The following ADD1 variants were observed in gnomAD, a reference collection of about 807,000 sequenced individuals.
ADD1 encodes alpha-adducin.
A neutral mutation model predicts 80.5 loss-of-function variants in ADD1; 24 were observed. That is an observed-to-expected ratio of 0.30 (90% CI 0.22 to 0.42). The LOEUF (loss-of-function observed/expected upper bound fraction) is 0.42. Ranked by LOEUF, ADD1 falls within the 10% of genes least tolerant of loss-of-function variation. ADD1 has a pLI of 1.00. For synonymous variants in ADD1, 373 were observed against 393.8 expected, an observed-to-expected ratio of 0.95 and a Z score of 0.63; for missense variants, 948 against 1,019.0, an observed-to-expected ratio of 0.93 and a Z score of 0.95.
In ADD1 at chr4:2,926,382, C is replaced by T. The variant is rs1302403068; in HGVS notation, c.2047+270C>T. 1.3e-5 allele frequency: 9 copies of T among 702,026 alleles called. No homozygotes were observed. The highest frequency in any genetic ancestry group is 8.0e-5 in the Admixed American group (4 of 49,796). The allele number at this position is 702,026 out of a possible 1,614,324, so 43.5% of individuals were successfully genotyped here. ...GCTGGTGTCCACGTTGCCCATTGCT[C>T]GCACACTCCTCGTGCCGTGTTGTCA... On this transcript the variant is annotated intron_variant, in intron 15 of 15. Coordinates refer to ENST00000683351, the MANE Select transcript of ADD1 (RefSeq NM_001354761.2). This position sits in a 1 kb window ranked among gnomAD's most constrained non-coding sequence, Gnocchi z 5.0.
At chr4:2,876,832 C>T (rs922275616) in intron 2 of ADD1, among the ~76,000 whole-genome samples, 1 of 144,668 alleles carries the variant, frequency 6.9e-6, no homozygotes, top group Non-Finnish European at 1.5e-5. Context: ...TAGAGAGACT[C>T]CGTCCCAAAA....
intron 9 of ADD1, 38 bp from the exon 10 acceptor site, chr4:2,904,726 T>G (rs2239728): frequency 0.2 from 318,847 of 1,562,336 alleles, 35,481 homozygotes; most frequent in East Asian, 0.51. Flanking sequence ...TTTTGAGATC[T>G]GGAATATTGA....
chr4:2,864,657 T>C (rs939171515), intron 1 of ADD1, among the ~76,000 whole-genome samples: 1 of 152,132 alleles, frequency 6.6e-6, no homozygotes, highest in Non-Finnish European at 1.5e-5. Flanking sequence ...ATGCTTATAA[T>C]CACTCTTAGG....
At chr4:2,894,999 G>T (rs1734959031) in intron 6 of ADD1, among the ~76,000 whole-genome samples, 1 of 152,126 alleles carries the variant, frequency 6.6e-6, no homozygotes, top group Non-Finnish European at 1.5e-5. Flanking sequence ...GGTGGCTCAT[G>T]CCTGTAATCA....
chr4:2,918,830 ATGGTTTTTTTGTTATT>A (rs1445137635), intron 14 of ADD1, among the ~76,000 whole-genome samples: 4 of 150,534 alleles, frequency 2.7e-5, no homozygotes, highest in East Asian at 1.9e-4. Context: ...TGATTTGCAT[ATGGTTTTTTTGTTATT>A]TGGTTTTTTT....
intron 14 of ADD1, among the ~76,000 whole-genome samples, chr4:2,919,192 G>A (rs1031919970): frequency 3.9e-5 from 6 of 152,158 alleles, no homozygotes; most frequent in Admixed American, 6.5e-5. Flanking sequence ...CAACTTGATC[G>A]TGGTGGATAA....
intron 15 of ADD1, among the ~76,000 whole-genome samples, chr4:2,927,241 C>T (rs1219086488): frequency 9.2e-5 from 14 of 152,332 alleles, no homozygotes; most frequent in African/African-American, 2.4e-4. Flanking sequence ...TCAGGGGGAG[C>T]GGCGCCTGTG....
At chr4:2,879,266 G>A (rs941969025) in intron 2 of ADD1, among the ~76,000 whole-genome samples, 7 of 152,174 alleles carry the variant, frequency 4.6e-5, no homozygotes, top group Non-Finnish European at 7.3e-5. Flanking sequence ...TCTGTGCCAC[G>A]TGTCCTTTCT....
At chr4:2,902,775 C>A (rs889798630) in intron 9 of ADD1, 2 of 151,946 alleles carry the variant, frequency 1.3e-5, no homozygotes, top group African/African-American at 4.8e-5. Flanking sequence ...ATCTATAATC[C>A]CAGCACTTTG....
In ADD1 at chr4:2,882,040, G is replaced by A. The variant is rs1359559390; in HGVS notation, c.338G>A (p.Gly113Glu). The A allele has an allele frequency of 6.2e-7, 1 of 1,606,932 alleles. No homozygotes were observed. The highest frequency in any genetic ancestry group is 8.5e-7 in the Non-Finnish European group (1 of 1,178,148). ...GTCTACCCAGCAGCTCCGCAAGGAG[G>A]GATGGCTGCCTTAAACATGAGTGAG... ...PNVYPAAPQGGMAALNMSLGM... is the reference protein window; with the variant it reads ...PNVYPAAPQGEMAALNMSLGM... The change falls in exon 3 of 16, where the codon GGG becomes GAG. Residue 113 changes from glycine (G) to glutamate (E), a missense_variant. Physicochemically the swap from Gly to Glu is moderately conservative, Grantham distance 98 (BLOSUM62 -2). Transcript: ENST00000683351.
At chr4:2,873,075 C>T (rs1198033271) in intron 1 of ADD1, among the ~76,000 whole-genome samples, 1 of 151,990 alleles carries the variant, frequency 6.6e-6, no homozygotes, top group Admixed American at 6.6e-5. Flanking sequence ...TCACTGCAAA[C>T]TTTGCCTCCC....
intron 8 of ADD1, 48 bp from the exon 9 acceptor site, chr4:2,899,211 T>TTAC: frequency 6.4e-7 from 1 of 1,553,018 alleles, no homozygotes; most frequent in African/African-American, 1.4e-5. Context: ...TCTGACCCTC[T>TTAC]TGATCTCAGT....
intron 1 of ADD1, chr4:2,844,502 T>G (rs546699491): frequency 6.6e-6 from 1 of 152,368 alleles, no homozygotes; most frequent in African/African-American, 2.4e-5. Flanking sequence ...CGACGGACGC[T>G]CGAGAGATAA....
At chr4:2,909,923 A>G (rs1737735634) in intron 13 of ADD1, among the ~76,000 whole-genome samples, 2 of 150,606 alleles carry the variant, frequency 1.3e-5, no homozygotes, top group African/African-American at 4.9e-5. Flanking sequence ...ATGGGAATTC[A>G]GACAGTCTTT....
chr4:2,851,328 C>G (rs1358491883), intron 1 of ADD1, among the ~76,000 whole-genome samples: 1 of 152,182 alleles, frequency 6.6e-6, no homozygotes, highest in Non-Finnish European at 1.5e-5. Context: ...ACAGTCATAT[C>G]TAACTGGAGG....
chr4:2,894,730 C>T lies in ADD1; in HGVS notation c.740C>T (p.Ala247Val), dbSNP rs755201784. Reference protein sequence around the residue: ...VVHIHTPAGAAVSAMKCGLLP... With the variant: ...VVHIHTPAGAVVSAMKCGLLP... The stretch of plus-strand genomic sequence containing the variant: ...CACATTCACACCCCAGCAGGGGCTG[C>T]GGTGAGTGGCTGCCCTGGTAGCATC... The change falls in exon 6 of 16, where the codon GCG (alanine) becomes GTG (valine). Residue 247 changes from alanine to valine, a missense_variant and splice_region_variant. Transcript: ENST00000683351. The T allele has an allele frequency of 3.8e-6, 6 of 1,595,214 alleles. No individual in the cohort carries two copies. The highest frequency in any genetic ancestry group is 3.4e-5 in the South Asian group (3 of 87,444).
At chr4:2,910,288 G>T (rs1229713437) in intron 13 of ADD1, among the ~76,000 whole-genome samples, 9 of 151,920 alleles carry the variant, frequency 5.9e-5, no homozygotes, top group Admixed American at 5.9e-4. Context: ...TCATTGAGAT[G>T]CATGTGTCAC....
chr4:2,924,536 CTTG>C (rs1354394870), intron 14 of ADD1, among the ~76,000 whole-genome samples: 3 of 152,204 alleles, frequency 2.0e-5, no homozygotes, highest in Non-Finnish European at 2.9e-5. Context: ...CTGGAGCCAC[CTTG>C]TTGTGTGGGA....
intron 10 of ADD1, among the ~76,000 whole-genome samples, chr4:2,906,976 T>G (rs991368724): frequency 6.6e-6 from 1 of 152,172 alleles, no homozygotes; most frequent in African/African-American, 2.4e-5. Context: ...AGAATTTGAT[T>G]AAAAATCTCA....
Sources: gnomAD v4.1 joint callset for allele counts (sites outside exome capture counted in the v4.1 genomes callset) on GRCh38, gnomAD v4.1.1 for gene constraint, Gnocchi (gnomAD v3.1) non-coding constraint, MANE v1.5 for transcripts, NCBI Gene and HGNC (gene_info 2026-07-23, HGNC 2026-07-21) for gene names.